The following KIAA1217 variants were observed in gnomAD, a reference collection of about 807,000 sequenced individuals.
KIAA1217 encodes sickle tail protein homolog.
In KIAA1217, 88 loss-of-function variants were observed where a neutral mutation model predicts 163.9. The ratio of observed to expected loss-of-function variants is 0.54; its 90% CI spans 0.45 to 0.64. KIAA1217 has a LOEUF of 0.64. Ranked by LOEUF, KIAA1217 falls within the 30% of genes least tolerant of loss-of-function variation. The probability of loss-of-function intolerance (pLI) is 0.00; values close to 1 mark genes in which losing one functional copy is unlikely to be tolerated. For synonymous variants in KIAA1217, 903 were observed against 923.1 expected (o/e 0.98, Z 0.39); for missense variants, 2,372 against 2,475.0 (o/e 0.96, Z 0.88).
intron 2 of KIAA1217, among the ~76,000 whole-genome samples, chr10:24,278,854 C>CTTTTTTTT (rs11288814): frequency 2.8e-5 from 4 of 140,844 alleles, no homozygotes; most frequent in Non-Finnish European, 3.0e-5. Flanking sequence ...ACTCAGATTA[C>CTTTTTTTT]TTTTTTTTTT....
At position 24,546,278 on chromosome 10, in the gene KIAA1217, G is replaced by T. The variant is rs1447680192; in HGVS notation, c.5786G>T (p.Gly1929Val). 6.2e-7 allele frequency: 1 copy of T among 1,612,934 alleles called. No homozygotes were observed. The highest frequency in any genetic ancestry group is 1.7e-5 in the Admixed American group (1 of 59,896). Reference protein sequence around the residue: ...PSLTSYKAQNGSSSKATPSTA... With the variant: ...PSLTSYKAQNVSSSKATPSTA... ...CTCACCAGCTACAAGGCACAGAATG[G>T]AAGTTCAAGCAAAGCCACCCCATCC... Residue 1929 changes from glycine to valine, a missense_variant, in exon 21 of 21, where the codon GGA (glycine) becomes GTA (valine). Gly to Val is a moderately radical substitution (Grantham distance 109, BLOSUM62 -3). Coordinates refer to ENST00000376454, the MANE Select transcript of KIAA1217 (RefSeq NM_019590.5).
chr10:24,370,924 C>T (rs761671207), intron 2 of KIAA1217, among the ~76,000 whole-genome samples: 39 of 152,154 alleles, frequency 2.6e-4, no homozygotes, highest in Admixed American at 2.2e-3. Context: ...GAAAACACAT[C>T]ACTGAATAAA....
At chr10:23,810,988 TATAC>T in intron 1 of KIAA1217, among the ~76,000 whole-genome samples, 1 of 119,746 alleles carries the variant, frequency 8.4e-6, no homozygotes, top group Non-Finnish European at 1.6e-5. Context: ...CTATAGTATA[TATAC>T]TATATTATTA....
At chr10:23,848,864 T>C (rs1307633052) in intron 1 of KIAA1217, among the ~76,000 whole-genome samples, 1 of 152,146 alleles carries the variant, frequency 6.6e-6, no homozygotes, top group Non-Finnish European at 1.5e-5. Flanking sequence ...ACATTGTGAC[T>C]GCAGCACTAT....
intron 2 of KIAA1217, among the ~76,000 whole-genome samples, chr10:24,276,926 AAAAAAT>A (rs1212278791): frequency 6.8e-6 from 1 of 147,914 alleles, no homozygotes; most frequent in African/African-American, 2.4e-5. Flanking sequence ...CTAATTAAAA[AAAAAAT>A]AAAAATCGTA....
chr10:24,323,549 G>A (rs12354978), intron 2 of KIAA1217, among the ~76,000 whole-genome samples: 6,684 of 152,220 alleles, frequency 0.044, 203 homozygotes, highest in South Asian at 0.081. Flanking sequence ...CATTTTGAGT[G>A]ACCTTTACTT....
At chr10:23,818,714 G>T (rs1223010600) in intron 1 of KIAA1217, among the ~76,000 whole-genome samples, 1 of 152,140 alleles carries the variant, frequency 6.6e-6, no homozygotes, top group East Asian at 1.9e-4. Context: ...GGCCTTGGTT[G>T]CCTTGGCAAT....
chr10:23,911,723 AATGTCTAGGC>A (rs1176165353), intron 1 of KIAA1217, among the ~76,000 whole-genome samples: 4 of 152,182 alleles, frequency 2.6e-5, no homozygotes, highest in African/African-American at 9.6e-5. Flanking sequence ...TTCAAGGTTG[AATGTCTAGGC>A]ATGTAATTTA....
intron 2 of KIAA1217, among the ~76,000 whole-genome samples, chr10:24,092,907 G>T (rs1293480950): frequency 1.6e-5 from 2 of 125,514 alleles, no homozygotes; most frequent in Non-Finnish European, 3.1e-5. Flanking sequence ...TATGTATAGT[G>T]TGTGTGTGTG....
At chr10:24,509,223 C>T (rs1006113565) in intron 9 of KIAA1217, among the ~76,000 whole-genome samples, 2 of 152,208 alleles carry the variant, frequency 1.3e-5, no homozygotes, top group African/African-American at 4.8e-5. Flanking sequence ...TAAGCAGGAA[C>T]TGTCCTGCAG....
chr10:24,504,003 G>A (rs890469827), intron 9 of KIAA1217, among the ~76,000 whole-genome samples: 2 of 152,204 alleles, frequency 1.3e-5, no homozygotes, highest in Admixed American at 6.5e-5. Flanking sequence ...AATTTCACAG[G>A]CGTTAGAGGT....
chr10:24,066,284 T>C (rs2131615195), intron 2 of KIAA1217, among the ~76,000 whole-genome samples: 1 of 152,292 alleles, frequency 6.6e-6, no homozygotes, highest in East Asian at 1.9e-4. Flanking sequence ...CTGGTACCAG[T>C]TGTTCCTTTC....
At chr10:23,741,518 A>G (rs1012699800) in intron 1 of KIAA1217, among the ~76,000 whole-genome samples, 1 of 152,226 alleles carries the variant, frequency 6.6e-6, no homozygotes, top group Non-Finnish European at 1.5e-5. Context: ...TTCATTGAAC[A>G]AAGAAAGCAC....
At chr10:24,141,790 G>A (rs1350400844) in intron 2 of KIAA1217, among the ~76,000 whole-genome samples, 1 of 152,056 alleles carries the variant, frequency 6.6e-6, no homozygotes. Context: ...AACCCAACCA[G>A]GTCATATGTG....
At chr10:24,402,098 A>G (rs2056588944) in intron 3 of KIAA1217, among the ~76,000 whole-genome samples, 2 of 152,254 alleles carry the variant, frequency 1.3e-5, no homozygotes, top group Admixed American at 6.5e-5. Context: ...GATTCAGCCA[A>G]ATGAAGATGT....
chr10:24,497,240 C>A (rs141797985), intron 8 of KIAA1217, among the ~76,000 whole-genome samples: 213 of 152,284 alleles, frequency 1.4e-3, no homozygotes, highest in Non-Finnish European at 2.6e-3. Flanking sequence ...ACCCAGACTT[C>A]CTGGCTACTT....
chr10:23,790,617 A>G (rs546002666), intron 1 of KIAA1217, among the ~76,000 whole-genome samples: 4 of 86,288 alleles, frequency 4.6e-5, no homozygotes, highest in Non-Finnish European at 9.2e-5. Flanking sequence ...ATACATATGT[A>G]TATATACATA....
intron 1 of KIAA1217, among the ~76,000 whole-genome samples, chr10:23,987,752 C>A (rs1230285918): frequency 6.6e-6 from 1 of 152,114 alleles, no homozygotes; most frequent in African/African-American, 2.4e-5. Context: ...GTATTCCTAT[C>A]TAGCTGCAAG....
intron 6 of KIAA1217, among the ~76,000 whole-genome samples, chr10:24,491,148 C>T (rs1429934668): frequency 6.6e-6 from 1 of 152,068 alleles, no homozygotes; most frequent in Non-Finnish European, 1.5e-5. Flanking sequence ...GTGTCTGCAG[C>T]TCCCCAGACT....
Sources: gnomAD v4.1 joint callset for allele counts (sites outside exome capture counted in the v4.1 genomes callset) on GRCh38, gnomAD v4.1.1 for gene constraint, MANE v1.5 for transcripts, NCBI Gene and HGNC (gene_info 2026-07-23, HGNC 2026-07-21) for gene names.